The following STARD13 variants were observed in gnomAD, a reference collection of about 807,000 sequenced individuals.
STARD13 encodes the protein StAR related lipid transfer domain containing 13.
In STARD13, 62 loss-of-function variants were observed where a neutral mutation model predicts 106.4. That is an observed-to-expected ratio of 0.58 (90% CI 0.48 to 0.72). The LOEUF (loss-of-function observed/expected upper bound fraction) is 0.72. Among genes scored for constraint, STARD13 ranks in the 30% least tolerant of loss-of-function variants. STARD13 has a pLI of 0.00. For missense variants in STARD13, 1,387 were observed against 1,424.0 expected, an observed-to-expected ratio of 0.97 and a Z score of 0.42; for synonymous variants, 565 against 553.0, an observed-to-expected ratio of 1.02 and a Z score of -0.31.
chr13:33,288,666 C>T (rs1268839083), upstream of STARD13, among the ~76,000 whole-genome samples: 1 of 149,258 alleles, frequency 6.7e-6, no homozygotes, highest in Admixed American at 6.7e-5. Flanking sequence ...TTCAAAAAAT[C>T]AGCCAGCATT....
chr13:33,124,767 A>T (rs758685707), intron 7 of STARD13, among the ~76,000 whole-genome samples: 1 of 152,200 alleles, frequency 6.6e-6, no homozygotes. Flanking sequence ...GGCTGACTCT[A>T]TTGGGATGTG....
At chr13:33,493,455 T>C in the STARD13 span, among the ~76,000 whole-genome samples, 3,625 of 152,276 alleles carry the variant, frequency 0.024, 138 homozygotes, top group African/African-American at 0.08. Context: ...TTCATAATAA[T>C]GTATCATACT....
At chr13:33,517,131 G>C in the STARD13 span, among the ~76,000 whole-genome samples, 5 of 151,586 alleles carry the variant, frequency 3.3e-5, no homozygotes, top group Admixed American at 3.3e-4. Context: ...ATTACCTATG[G>C]GGCTCAGTTT....
intron 1 of STARD13, among the ~76,000 whole-genome samples, chr13:33,310,203 G>C (rs937147014): frequency 6.6e-6 from 1 of 152,148 alleles, no homozygotes; most frequent in Non-Finnish European, 1.5e-5. Context: ...TGCATTGATG[G>C]CCCTAATTCC....
chr13:33,166,730 C>T (rs1316829969), intron 2 of STARD13, among the ~76,000 whole-genome samples: 2 of 152,126 alleles, frequency 1.3e-5, no homozygotes, highest in African/African-American at 4.8e-5. Flanking sequence ...GGTGGTGGCT[C>T]ACGCCTGTAA....
intron 1 of STARD13, among the ~76,000 whole-genome samples, chr13:33,331,434 T>G (rs1421509157): frequency 2.0e-5 from 3 of 152,032 alleles, no homozygotes; most frequent in Admixed American, 6.6e-5. Context: ...CTCACTGCAA[T>G]CCCTGCCTCC....
the STARD13 span, among the ~76,000 whole-genome samples, chr13:33,564,162 C>T: frequency 8.8e-5 from 12 of 136,304 alleles, 2 homozygotes; most frequent in Admixed American, 7.9e-4. Context: ...GAGCAGAGAC[C>T]GTGCCATTGC....
At chr13:33,427,580 A>C in the STARD13 span, among the ~76,000 whole-genome samples, 2 of 152,198 alleles carry the variant, frequency 1.3e-5, no homozygotes, top group African/African-American at 2.4e-5. Flanking sequence ...CAAACCAAAC[A>C]ACAACTTGTG....
chr13:33,281,022 T>C (rs904032212), intron 1 of STARD13: 2 of 152,208 alleles, frequency 1.3e-5, no homozygotes, highest in Non-Finnish European at 2.9e-5. Flanking sequence ...CTCTGTTGCC[T>C]TTTTAGGTTC....
chr13:33,561,859 G>A, the STARD13 span, among the ~76,000 whole-genome samples: 5 of 146,674 alleles, frequency 3.4e-5, no homozygotes, highest in African/African-American at 1.0e-4. Context: ...TATGATTAAT[G>A]TGCTGTCATT....
Position 33,243,638 on chromosome 13 carries a change from C to T in STARD13, c.169+41832G>A, listed in dbSNP as rs143292433. Reference sequence around the variant, plus strand: ...GTGTGGCTGAGACACTTGTGACAGGCCAGGGATAATGGTGTCCCGGACTCA... The same window carrying T: ...GTGTGGCTGAGACACTTGTGACAGGTCAGGGATAATGGTGTCCCGGACTCA... On this transcript the variant is annotated intron_variant, in intron 1 of 13. Transcript: ENST00000336934. Among the ~76,000 whole-genome samples, 3 of 152,222 alleles carry T rather than the reference C, an allele frequency of 2.0e-5. No individual in the cohort carries two copies. The South Asian group carries it at 6.2e-4, about 32-fold the overall frequency.
chr13:33,389,698 G>A, the STARD13 span, among the ~76,000 whole-genome samples: 8 of 151,998 alleles, frequency 5.3e-5, no homozygotes, highest in African/African-American at 1.9e-4. Context: ...AAATTTAAAA[G>A]TTTACTTCCA....
At chr13:33,379,987 T>C in the STARD13 span, among the ~76,000 whole-genome samples, 5 of 142,370 alleles carry the variant, frequency 3.5e-5, no homozygotes, top group East Asian at 9.7e-4. Context: ...ACATGACTCA[T>C]AAAAACACAT....
the STARD13 span, among the ~76,000 whole-genome samples, chr13:33,632,369 C>T: frequency 6.6e-6 from 1 of 152,254 alleles, no homozygotes; most frequent in Non-Finnish European, 1.5e-5. Context: ...GTGAATGAGT[C>T]TATGGTATTC....
Position 33,342,455 on chromosome 13 carries a change from G to A in STARD13, c.124+7835C>T, listed in dbSNP as rs2077971170. Among the ~76,000 whole-genome samples the A allele has an allele frequency of 4.0e-5, 6 of 151,668 alleles. No homozygotes were observed. In the South Asian group the frequency reaches 1.2e-3, roughly 31 times the overall value. Reference sequence around the variant, plus strand: ...TTGAGAAGTATTTTCCTTAAAAAAAGTTTGTTTGCTTTTTTACTTTGCAAT... The same window carrying A: ...TTGAGAAGTATTTTCCTTAAAAAAAATTTGTTTGCTTTTTTACTTTGCAAT... On this transcript the variant is annotated intron_variant, in intron 1 of 5. Transcript: ENST00000567873.
At chr13:33,508,702 G>A in the STARD13 span, among the ~76,000 whole-genome samples, 4 of 152,208 alleles carry the variant, frequency 2.6e-5, no homozygotes, top group Non-Finnish European at 5.9e-5. Context: ...CAGCAAAGCC[G>A]CCAGATGAAA....
chr13:33,468,459 T>C, the STARD13 span, among the ~76,000 whole-genome samples: 1 of 152,150 alleles, frequency 6.6e-6, no homozygotes, highest in African/African-American at 2.4e-5. Flanking sequence ...TGGAAGGTGT[T>C]TGGGCCATGG....
At position 33,285,497 on chromosome 13, in the gene STARD13, G is replaced by A. The variant is rs370033941; in HGVS notation, c.142C>T (p.His48Tyr). The change falls in exon 1 of 14, where the codon CAT (histidine) becomes TAT (tyrosine). Residue 48 changes from histidine to tyrosine, a missense_variant. Physicochemically the swap from His to Tyr is moderately conservative, Grantham distance 83 (BLOSUM62 2). Transcript: ENST00000336934. ...PYRMSRILAR[H>Y]QLVTKIQQEI... ...TGTTGAATTTTAGTCACTAGCTGAT[G>A]GCGTGCTAGAATCCGGCTCATCCTG... The A allele has an allele frequency of 6.2e-7, 1 of 1,613,966 alleles. No homozygotes were observed. The highest frequency in any genetic ancestry group is 1.7e-5 in the Admixed American group (1 of 60,008).
chr13:33,214,553 G>A (rs1050191254), intron 1 of STARD13, among the ~76,000 whole-genome samples: 10 of 152,216 alleles, frequency 6.6e-5, no homozygotes, highest in Middle Eastern at 3.4e-3. Flanking sequence ...CATCCGCGCC[G>A]AGTGATAAGT....
Sources: allele counts gnomAD v4.1 joint callset (sites outside exome capture counted in the v4.1 genomes callset), GRCh38; gene constraint gnomAD v4.1.1; transcripts MANE v1.5; gene names NCBI Gene and HGNC (gene_info 2026-07-23, HGNC 2026-07-21).